CCNH: variants seen among roughly 807,000 people sequenced by gnomAD.
CCNH encodes the protein cyclin-H.
CCNH carries 31 observed loss-of-function variants against 41.9 expected under a neutral mutation model. The ratio of observed to expected loss-of-function variants is 0.74; its 90% CI spans 0.56 to 1.00. CCNH has a LOEUF of 1.00. Among genes scored for constraint, CCNH ranks in the 50% least tolerant of loss-of-function variants. The pLI is 0.00. For missense variants in CCNH, 362 were observed against 388.4 expected (o/e 0.93, Z 0.57); for synonymous variants, 138 against 136.1 (o/e 1.01, Z -0.10).
At chr5:87,390,621 G>A (rs1184409354), downstream of CCNH, among the ~76,000 whole-genome samples, 1 of 152,102 alleles carries the variant, frequency 6.6e-6, no homozygotes, top group Non-Finnish European at 1.5e-5. Context: ...AATTCTCTTA[G>A]TTATGACCAG....
At chr5:87,396,391 G>A (rs1397955185) in intron 7 of CCNH, among the ~76,000 whole-genome samples, 1 of 152,176 alleles carries the variant, frequency 6.6e-6, no homozygotes, top group Non-Finnish European at 1.5e-5. Flanking sequence ...GGAGGCTGAG[G>A]CGGGCGGATC....
Position 87,382,929 on chromosome 5 carries a change from T to TAA in CCNH, c.*90+9839_*90+9840dup, listed in dbSNP as rs200006864. 7.9e-3 allele frequency among the ~76,000 whole-genome samples: 1,097 copies of TAA among 138,872 alleles called. 17 individuals are homozygous for TAA. The highest frequency in any genetic ancestry group is 0.028 in the African/African-American group (1,053 of 38,116). The allele number at this position is 138,872 out of a possible 152,430, so 91.1% of individuals were successfully genotyped here. A position where few individuals can be genotyped will look rare whatever the true frequency, so the allele number is the denominator to read the frequency against. ...AGACTCTGCTTTCTACAAAAATAAT[T>TAA]AAAAAAAAAAAAAAATTGCCAGGTA... is the stretch of plus-strand genomic sequence containing the variant. On this transcript the variant is annotated intron_variant and NMD_transcript_variant, in intron 9 of 9. Coordinates refer to the CCNH transcript ENST00000645953.
downstream of CCNH, chr5:87,372,084 G>GT: frequency 1.3e-6 from 2 of 1,588,410 alleles, no homozygotes; most frequent in Non-Finnish European, 1.7e-6. Flanking sequence ...ATAAACTAGT[G>GT]TATATTTCTT....
downstream of CCNH, among the ~76,000 whole-genome samples, chr5:87,317,070 T>C (rs1034577010): frequency 1.1e-4 from 16 of 151,992 alleles, no homozygotes; most frequent in East Asian, 2.3e-3. Flanking sequence ...TTTAGTAGAG[T>C]TGGGGTTTTA....
intron 9 of CCNH, chr5:87,333,375 A>G: frequency 6.2e-7 from 1 of 1,607,750 alleles, no homozygotes; most frequent in Non-Finnish European, 8.5e-7. Flanking sequence ...GGCATTTGAA[A>G]GAGCTAGACT....
At chr5:87,343,053 A>G (rs1758594177) in intron 9 of CCNH, among the ~76,000 whole-genome samples, 1 of 152,006 alleles carries the variant, frequency 6.6e-6, no homozygotes, top group South Asian at 2.1e-4. Flanking sequence ...TTGTTGGTTT[A>G]TTTTATGTGT....
chr5:87,325,877 T>G (rs1757194692), intron 9 of CCNH, among the ~76,000 whole-genome samples: 1 of 152,198 alleles, frequency 6.6e-6, no homozygotes, highest in Admixed American at 6.5e-5. Context: ...CAAATTTCCA[T>G]ATTTTTCTCT....
intron 2 of CCNH, among the ~76,000 whole-genome samples, chr5:87,410,765 C>T (rs1434398623): frequency 6.6e-6 from 1 of 152,008 alleles, no homozygotes; most frequent in African/African-American, 2.4e-5. Context: ...TCTTTTTCAC[C>T]AAAGATAAAA....
chr5:87,411,523 T>C (rs1414397119), intron 1 of CCNH, among the ~76,000 whole-genome samples, 177 bp from the exon 2 acceptor site: 1 of 152,226 alleles, frequency 6.6e-6, no homozygotes, highest in East Asian at 1.9e-4. Flanking sequence ...GGAAAATATT[T>C]AATAAACTAA....
downstream of CCNH, among the ~76,000 whole-genome samples, chr5:87,374,649 G>A (rs1761196123): frequency 6.6e-6 from 1 of 151,350 alleles, no homozygotes; most frequent in Non-Finnish European, 1.5e-5. Flanking sequence ...AAAGATGGTA[G>A]GAAAAGTGTG....
intron 5 of CCNH, 47 bp from the exon 6 acceptor site, chr5:87,401,819 T>C: frequency 9.0e-7 from 1 of 1,106,868 alleles, no homozygotes. Context: ...TACAGCACAT[T>C]GAGAAAACAT....
At chr5:87,323,111 T>C (rs1216669163) in intron 9 of CCNH, among the ~76,000 whole-genome samples, 4 of 152,198 alleles carry the variant, frequency 2.6e-5, no homozygotes, top group African/African-American at 7.2e-5. Context: ...ATAACTGATA[T>C]TTCCATGACT....
chr5:87,346,840 A>G, intron 9 of CCNH: 1 of 733,086 alleles, frequency 1.4e-6, no homozygotes, highest in Non-Finnish European at 2.3e-6. Context: ...GCATGTTATA[A>G]TTTCGTGTCC....
intron 8 of CCNH, chr5:87,394,774 A>T (rs769023793): frequency 3.0e-6 from 4 of 1,344,606 alleles, no homozygotes; most frequent in Non-Finnish European, 3.8e-6. Flanking sequence ...AAATCCTTGG[A>T]GAATAAGAAA....
At chr5:87,385,447 A>C in intron 9 of CCNH, 1 of 1,306,104 alleles carries the variant, frequency 7.7e-7, no homozygotes, top group East Asian at 2.4e-5. Flanking sequence ...GACATGATAA[A>C]ACCATAAATT....
downstream of CCNH, chr5:87,374,751 TAGG>T: frequency 5.8e-6 from 9 of 1,539,572 alleles, no homozygotes; most frequent in Admixed American, 1.8e-5. Flanking sequence ...AAAGCAGAAA[TAGG>T]GGGTTTATTT....
In CCNH at chr5:87,412,681, C is replaced by T. The variant is rs1317336199; in HGVS notation, c.114G>A (p.Gly38=). Residue 38 remains glycine, a synonymous_variant, in exon 1 of 9, where the codon GGG becomes GGA. Coordinates refer to ENST00000256897, the MANE Select transcript of CCNH (RefSeq NM_001239.4). ...RKFRCKAVAN[G]KVLPNDPVFL... Reference sequence around the variant, plus strand: ...GCAACCGTTGGGAAAACCTCACCTTCCCGTTGGCCACGGCTTTGCATCTGA... The same window carrying T: ...GCAACCGTTGGGAAAACCTCACCTTTCCGTTGGCCACGGCTTTGCATCTGA... The T allele has an allele frequency of 2.5e-6, 4 of 1,613,916 alleles. No individual in the cohort carries two copies. Among genetic ancestry groups the T allele is most frequent in the Non-Finnish European group, 3.4e-6 (4 of 1,179,956 alleles).
intron 9 of CCNH, among the ~76,000 whole-genome samples, chr5:87,365,024 A>G (rs1372553276): frequency 6.6e-6 from 1 of 152,162 alleles, no homozygotes; most frequent in East Asian, 1.9e-4. Flanking sequence ...GTAGTTTATT[A>G]TCGTGAAAAC....
At chr5:87,385,663 A>G (rs539817738) in intron 9 of CCNH, among the ~76,000 whole-genome samples, 32 of 152,218 alleles carry the variant, frequency 2.1e-4, no homozygotes, top group Admixed American at 8.5e-4. Flanking sequence ...CAATGAGTAC[A>G]TTTTAATACA....
Sources: gnomAD v4.1 joint callset for allele counts (sites outside exome capture counted in the v4.1 genomes callset) on GRCh38, gnomAD v4.1.1 for gene constraint, MANE v1.5 for transcripts, NCBI Gene and HGNC (gene_info 2026-07-23, HGNC 2026-07-21) for gene names.